The following GPSM2 variants were observed in gnomAD, a reference collection of about 807,000 sequenced individuals.
GPSM2 encodes the protein G protein signaling modulator 2, also known as G protein-signaling modulator 2.
GPSM2 carries 58 observed loss-of-function variants against 78.4 expected under a neutral mutation model. That is an observed-to-expected ratio of 0.74 (90% CI 0.60 to 0.92). The LOEUF (loss-of-function observed/expected upper bound fraction) is 0.92, where lower values mean the gene tolerates loss of function less well. GPSM2 is among the 40% of genes least tolerant of loss of function. The pLI, the probability that GPSM2 is intolerant of heterozygous loss-of-function variation, is 0.00. For missense variants in GPSM2, 700 were observed against 815.5 expected (o/e 0.86, Z 1.73); for synonymous variants, 224 against 280.2 (o/e 0.80, Z 2.00).
chr1:108,912,912 G>A (rs1357200649), intron 10 of GPSM2, among the ~76,000 whole-genome samples: 1 of 141,474 alleles, frequency 7.1e-6, no homozygotes, highest in Non-Finnish European at 1.5e-5. Flanking sequence ...GGGGGGACAC[G>A]GGGCGGGGGG....
At chr1:108,912,900 TG>T (rs1364621187) in intron 10 of GPSM2, among the ~76,000 whole-genome samples, 1 of 18,256 alleles carries the variant, frequency 5.5e-5, no homozygotes, top group Admixed American at 7.5e-4. Context: ...AAAAAAAGGG[TG>T]GGGGGGACAC....
intron 2 of GPSM2, among the ~76,000 whole-genome samples, chr1:108,894,422 C>A (rs962442452): frequency 1.3e-5 from 2 of 151,906 alleles, no homozygotes; most frequent in East Asian, 3.9e-4. Flanking sequence ...ATGGGGCCAG[C>A]CATGGTGGCT....
rs1553218438 is a variant in GPSM2 at position 108,930,446 on chromosome 1, A to G, written c.*506A>G. On this transcript the variant is annotated 3_prime_UTR_variant, in exon 15 of 15. Transcript: ENST00000264126. ...CATGAAAATCTGTTTTTTTAGGCCAAAGTCAGTATAAAAGAAACTCTACTT... is the reference window on the plus strand; with the variant it reads ...CATGAAAATCTGTTTTTTTAGGCCAGAGTCAGTATAAAAGAAACTCTACTT... 6.5e-6 allele frequency: 1 copy of G among 154,290 alleles called. No homozygotes were observed. The highest frequency in any genetic ancestry group is 1.4e-5 in the Non-Finnish European group (1 of 69,604). The allele number at this position is 154,290 out of a possible 1,614,324, so 9.6% of individuals were successfully genotyped here.
At chr1:108,917,611 C>CACACA (rs1312607573) in intron 11 of GPSM2, among the ~76,000 whole-genome samples, 1 of 22,738 alleles carries the variant, frequency 4.4e-5, no homozygotes, top group Admixed American at 6.2e-4. Flanking sequence ...CACACACACA[C>CACACA]ATATATATAT....
rs982741953 is a variant in GPSM2, at chr1:108,922,989, T to C, written c.1600+413T>C. 6.4e-4 allele frequency among the ~76,000 whole-genome samples: 97 copies of C among 152,126 alleles called. 1 individual carries two copies. Among genetic ancestry groups the C allele is most frequent in the South Asian group, 6.2e-4 (3 of 4,832 alleles). ...CCACTGCACTCCAGCATGGGCAACA[T>C]AGTTAGACCCTATGTCTAAAAAATA... is the stretch of plus-strand genomic sequence containing the variant. On this transcript the variant is annotated intron_variant, in intron 13 of 14. Coordinates refer to ENST00000264126, the MANE Select transcript of GPSM2 (RefSeq NM_013296.5).
chr1:108,896,197 A>C (rs1347675707), intron 2 of GPSM2, among the ~76,000 whole-genome samples: 1 of 152,196 alleles, frequency 6.6e-6, no homozygotes, highest in Non-Finnish European at 1.5e-5. Context: ...ACAGACTTTC[A>C]AAATTAGTAT....
chr1:108,897,023 T>C lies in GPSM2; in HGVS notation c.216T>C (p.Tyr72=). 1 of 1,613,966 alleles carries C rather than the reference T, an allele frequency of 6.2e-7. No individual in the cohort carries two copies. Among genetic ancestry groups the C allele is most frequent in the Non-Finnish European group, 8.5e-7 (1 of 1,179,828 alleles). The change falls in exon 3 of 15, where the codon TAT becomes TAC. Residue 72 remains tyrosine (Y), a synonymous_variant. Transcript: ENST00000264126. The part of the protein sequence containing the change: ...SAIYSQLGNA[Y]FYLHDYAKAL... ...TTTACAGCCAGTTGGGCAATGCTTA[T>C]TTCTATTTGCATGATTATGCCAAAG...
chr1:108,888,832 A>G (rs1013935109), intron 2 of GPSM2, among the ~76,000 whole-genome samples: 6 of 152,238 alleles, frequency 3.9e-5, no homozygotes, highest in Non-Finnish European at 5.9e-5. Flanking sequence ...GGAAGTTAAC[A>G]TAGGTAAGAT....
rs771176514 is a variant in GPSM2, at chr1:108,918,765, C to T, written c.1416C>T (p.Asp472=). 1.9e-5 allele frequency: 30 copies of T among 1,612,928 alleles called. No homozygotes were observed. Among genetic ancestry groups the T allele is most frequent in the Admixed American group, 3.3e-5 (2 of 59,994 alleles). The change falls in exon 12 of 15, where the codon GAC becomes GAT. Residue 472 remains aspartate (D), a synonymous_variant. Transcript: ENST00000264126. ...KVLQDASNSI[D]HRIPNSQRKI... The stretch of plus-strand genomic sequence containing the variant: ...TCCAAGATGCCAGTAATTCTATTGA[C>T]CACCGAATTCCAAATTCTCAGAGGG...
chr1:108,913,400 GTTA>G (rs1336510871), intron 10 of GPSM2, among the ~76,000 whole-genome samples: 4 of 152,120 alleles, frequency 2.6e-5, no homozygotes, highest in Middle Eastern at 3.2e-3. Context: ...GTATAAACCA[GTTA>G]TTATAAAAAA....
rs746673955 is a variant in GPSM2 at position 108,901,939 on chromosome 1, ATGAT to A, written c.948_951del (p.Asn316LysfsTer12). ...CACTTAGCAATTGCTCAAGAGCTGA[ATGAT>A]AGGTATGTTTTACGTCTTTTTACCA... On this transcript the variant is annotated frameshift_variant and splice_region_variant, in exon 8 of 15. Coordinates refer to ENST00000264126, the MANE Select transcript of GPSM2 (RefSeq NM_013296.5). LOFTEE classifies it high-confidence loss of function. The A allele has an allele frequency of 1.9e-6, 3 of 1,605,372 alleles. No individual in the cohort carries two copies. In the South Asian group the frequency reaches 3.3e-5, roughly 18 times the overall value.
chr1:108,885,600 T>C (rs1647474498), intron 2 of GPSM2, 22 bp downstream of exon 2: 1 of 1,404,056 alleles, frequency 7.1e-7, no homozygotes, highest in Non-Finnish European at 1.0e-6. Context: ...GCTGTCTTAA[T>C]GGATGACTTT....
intron 2 of GPSM2, among the ~76,000 whole-genome samples, chr1:108,894,075 T>C (rs1180592274): frequency 6.6e-6 from 1 of 152,086 alleles, no homozygotes; most frequent in Non-Finnish European, 1.5e-5. Context: ...TTATATATCT[T>C]TTGTTGATTT....
Position 108,931,088 on chromosome 1 carries a change from TA to T in GPSM2, c.*1155del, listed in dbSNP as rs1276008458. 74 of 313,382 alleles carry T rather than the reference TA, an allele frequency of 2.4e-4. No homozygotes were observed. Among genetic ancestry groups the T allele is most frequent in the Non-Finnish European group, 3.6e-4 (61 of 170,642 alleles). The allele number at this position is 313,382 out of a possible 1,614,324, so 19.4% of individuals were successfully genotyped here. ...TATCTTTTGTGTGTTTTGGGCTGTT[TA>T]AAAAAATTATTTAAAATGGTCTCTT... On this transcript the variant is annotated 3_prime_UTR_variant, in exon 15 of 15. Coordinates refer to ENST00000264126, the MANE Select transcript of GPSM2 (RefSeq NM_013296.5).
At chr1:108,903,742 CATT>C (rs1649007487) in intron 9 of GPSM2, among the ~76,000 whole-genome samples, 1 of 152,038 alleles carries the variant, frequency 6.6e-6, no homozygotes, top group Non-Finnish European at 1.5e-5. Context: ...GCTTAATAAA[CATT>C]ATTATTATAC....
intron 13 of GPSM2, 22 bp downstream of exon 13, chr1:108,922,598 C>G: frequency 1.3e-6 from 2 of 1,580,174 alleles, no homozygotes; most frequent in Non-Finnish European, 1.7e-6. Context: ...CTGTTTCTCC[C>G]CCGATTTTAA....
chr1:108,923,939 G>C lies in GPSM2; in HGVS notation c.1601-61G>C, dbSNP rs906158654. 8.1e-6 allele frequency: 10 copies of C among 1,228,550 alleles called. 1 individual carries two copies. Among genetic ancestry groups the C allele is most frequent in the South Asian group, 3.6e-5 (3 of 82,856 alleles). 76.1% of individuals were successfully genotyped at this position (1,228,550 alleles called of 1,614,324 possible). ...CTAGGTATATAATAAATGTGCCTAG[G>C]TTTTTTTGTTTTTTGTTTTTTGTTT... On this transcript the variant is annotated intron_variant, in intron 13 of 14. Transcript: ENST00000264126.
intron 2 of GPSM2, among the ~76,000 whole-genome samples, chr1:108,888,436 C>T (rs1189642119): frequency 6.6e-6 from 1 of 152,194 alleles, no homozygotes; most frequent in South Asian, 2.1e-4. Flanking sequence ...CAGCCTCAAC[C>T]TCTCAGGCTC....
rs1231004983 is a variant in GPSM2 at position 108,929,836 on chromosome 1, C to CAAAG, written c.1953_1956dup (p.Asp653LysfsTer8). On this transcript the variant is annotated frameshift_variant, in exon 15 of 15. Coordinates refer to ENST00000264126, the MANE Select transcript of GPSM2 (RefSeq NM_013296.5). LOFTEE classifies it high-confidence loss of function. ...AATGGATGAACAGAGAGTTCTTTTACAAAGAGATCAAAACAGAGACACTGA... is the reference window on the plus strand; with the variant it reads ...AATGGATGAACAGAGAGTTCTTTTACAAAGAAAGAGATCAAAACAGAGACACTGA... The CAAAG allele has an allele frequency of 1.9e-6, 3 of 1,613,940 alleles. No individual in the cohort carries two copies. The highest frequency in any genetic ancestry group is 1.7e-5 in the Admixed American group (1 of 60,014).
Sources: gnomAD v4.1 joint callset for allele counts (sites outside exome capture counted in the v4.1 genomes callset) on GRCh38, gnomAD v4.1.1 for gene constraint, MANE v1.5 for transcripts, NCBI Gene and HGNC (gene_info 2026-07-23, HGNC 2026-07-21) for gene names.